Variants in PIAS1 observed in about 807,000 individuals in gnomAD.
The protein encoded by PIAS1 is E3 SUMO-protein ligase PIAS1.
PIAS1 carries 6 observed loss-of-function variants against 71.3 expected under a neutral mutation model. That is an observed-to-expected ratio of 0.08 (90% CI 0.05 to 0.17). The LOEUF (loss-of-function observed/expected upper bound fraction) is 0.17. PIAS1 is among the 10% of genes least tolerant of loss of function. The pLI is 1.00. For missense variants in PIAS1, 555 were observed against 793.6 expected, an observed-to-expected ratio of 0.70 and a Z score of 3.61; for synonymous variants, 303 against 292.9, an observed-to-expected ratio of 1.03 and a Z score of -0.35.
rs533461138 is a variant in PIAS1 at position 68,147,021 on chromosome 15, G to A, written c.828+321G>A. On this transcript the variant is annotated intron_variant, in intron 6 of 13. Transcript: ENST00000249636. The stretch of plus-strand genomic sequence containing the variant: ...TTGCCTGTTCCCTACTATTGAGCGT[G>A]TTACTTGATTTATTGATTGATTCAT... Among the ~76,000 whole-genome samples the A allele has an allele frequency of 9.0e-4, 137 of 152,204 alleles. 1 individual carries two copies. The Middle Eastern group carries it at 0.01, about 11-fold the overall frequency.
chr15:68,105,942 ATTCT>A (rs751749194), intron 2 of PIAS1, among the ~76,000 whole-genome samples: 1 of 152,208 alleles, frequency 6.6e-6, no homozygotes, highest in Non-Finnish European at 1.5e-5. Context: ...GGATAGGCAC[ATTCT>A]TTCTTTTTAG....
chr15:68,092,508 G>A (rs1234847328), intron 2 of PIAS1, among the ~76,000 whole-genome samples: 1 of 152,124 alleles, frequency 6.6e-6, no homozygotes. Context: ...CTAATTCAAT[G>A]TTCTTCTACT....
chr15:68,164,422 AG>A (rs962271280), intron 7 of PIAS1, among the ~76,000 whole-genome samples: 5 of 152,158 alleles, frequency 3.3e-5, no homozygotes, highest in African/African-American at 1.2e-4. Flanking sequence ...TAAAAGAAAA[AG>A]GGTCTACCAT....
intron 1 of PIAS1, among the ~76,000 whole-genome samples, chr15:68,060,804 C>T (rs2091950021): frequency 6.6e-6 from 1 of 152,154 alleles, no homozygotes; most frequent in South Asian, 2.1e-4. Flanking sequence ...CTGCCTCAGC[C>T]TCCCGAGTAG....
intron 2 of PIAS1, among the ~76,000 whole-genome samples, chr15:68,135,035 A>T (rs2092715992): frequency 4.9e-5 from 2 of 40,652 alleles, no homozygotes; most frequent in Non-Finnish European, 9.7e-5. Context: ...ACTTCCCAGT[A>T]GGGGCGGCCG....
intron 2 of PIAS1, among the ~76,000 whole-genome samples, chr15:68,140,248 G>A (rs1009882772): frequency 4.6e-5 from 7 of 152,148 alleles, no homozygotes; most frequent in Non-Finnish European, 8.8e-5. Flanking sequence ...ATTCTAAAAT[G>A]CATCTGAAAT....
intron 2 of PIAS1, among the ~76,000 whole-genome samples, chr15:68,089,496 C>T (rs777479457): frequency 1.3e-5 from 2 of 152,194 alleles, no homozygotes; most frequent in Non-Finnish European, 2.9e-5. Context: ...TTCATCTGTA[C>T]ATTTCTTCCC....
In PIAS1 at chr15:68,069,551, C is replaced by T. The variant is rs191254548; in HGVS notation, c.24+15201C>T. Among the ~76,000 whole-genome samples the T allele has an allele frequency of 7.0e-4, 106 of 152,112 alleles. 2 individuals carry two copies. Among genetic ancestry groups the T allele is most frequent in the Admixed American group, 3.1e-3 (48 of 15,266 alleles). ...GGCACGGTGGCTCATGCCTGTAATC[C>T]CAGCACTTTGGGAGGCTGAGGCGGG... is the stretch of plus-strand genomic sequence containing the variant. On this transcript the variant is annotated intron_variant, in intron 1 of 13. Transcript: ENST00000249636.
rs2141114043 is a variant in PIAS1 at position 68,189,493 on chromosome 15, A to G, written c.*1658A>G. The G allele has an allele frequency of 6.6e-6, 1 of 152,352 alleles. No homozygotes were observed. Among genetic ancestry groups the G allele is most frequent in the African/African-American group, 2.4e-5 (1 of 41,582 alleles). The allele number at this position is 152,352 out of a possible 1,614,324, so 9.4% of individuals were successfully genotyped here. On this transcript the variant is annotated 3_prime_UTR_variant, in exon 14 of 14. Transcript: ENST00000249636. ...TCAACTTTAATCCAGGTAGAATTCA[A>G]GATGGCTGTACTTCAGTTGTATGAT...
intron 2 of PIAS1, among the ~76,000 whole-genome samples, chr15:68,117,444 G>A (rs1250956291): frequency 6.6e-6 from 1 of 152,142 alleles, no homozygotes; most frequent in African/African-American, 2.4e-5. Flanking sequence ...ATGCTACCAT[G>A]CGTTAGAACA....
intron 7 of PIAS1, among the ~76,000 whole-genome samples, chr15:68,157,248 C>A (rs1044367279): frequency 6.6e-6 from 1 of 152,152 alleles, no homozygotes; most frequent in African/African-American, 2.4e-5. Flanking sequence ...TATTATGAGA[C>A]CTGGCTCCCT....
At chr15:68,168,412 TTTATC>T (rs1481272079) in intron 8 of PIAS1, among the ~76,000 whole-genome samples, 1 of 151,942 alleles carries the variant, frequency 6.6e-6, no homozygotes, top group African/African-American at 2.4e-5. Context: ...GGTTAAAACT[TTTATC>T]TAGAATGTTT....
intron 2 of PIAS1, among the ~76,000 whole-genome samples, chr15:68,096,158 CTA>C (rs1403638483): frequency 6.6e-6 from 1 of 152,066 alleles, no homozygotes; most frequent in Non-Finnish European, 1.5e-5. Context: ...TATTTTGAAA[CTA>C]TATGTTTGAA....
intron 2 of PIAS1, among the ~76,000 whole-genome samples, chr15:68,139,981 A>G (rs1041992053): frequency 6.6e-6 from 1 of 152,160 alleles, no homozygotes; most frequent in Non-Finnish European, 1.5e-5. Context: ...TTTATCTAAA[A>G]CCAAAACTAT....
At chr15:68,113,366 A>G (rs989666119) in intron 2 of PIAS1, among the ~76,000 whole-genome samples, 1 of 152,302 alleles carries the variant, frequency 6.6e-6, no homozygotes. Flanking sequence ...AAGTTTTGCA[A>G]AAGAAAGAAA....
rs573154287 is a variant in PIAS1, at chr15:68,131,928, C to T, written c.470-10018C>T. ...TTTAAAAAAAAAATCCTAGGCTGGG[C>T]GTGGTGGCTCATACCTGTAATCCCA... On this transcript the variant is annotated intron_variant, in intron 2 of 13. Coordinates refer to ENST00000249636, the MANE Select transcript of PIAS1 (RefSeq NM_016166.3). Among the ~76,000 whole-genome samples the T allele has an allele frequency of 1.2e-4, 18 of 150,442 alleles. 1 individual carries two copies. The highest frequency in any genetic ancestry group is 6.9e-3 in the Middle Eastern group (2 of 290).
At chr15:68,088,854 A>G (rs1275669849) in intron 2 of PIAS1, among the ~76,000 whole-genome samples, 2 of 152,184 alleles carry the variant, frequency 1.3e-5, no homozygotes, top group Non-Finnish European at 2.9e-5. Flanking sequence ...AGTTTCCTAA[A>G]TGATTATTTT....
Position 68,176,648 on chromosome 15 carries a change from A to G in PIAS1, c.1475A>G (p.Asn492Ser), listed in dbSNP as rs2093021979. The G allele has an allele frequency of 1.3e-6, 2 of 1,581,724 alleles. No individual in the cohort carries two copies. The highest frequency in any genetic ancestry group is 2.7e-5 in the African/African-American group (2 of 73,014). Residue 492 changes from asparagine to serine, a missense_variant, in exon 11 of 14, where the codon AAT becomes AGT. Physicochemically the swap from Asn to Ser is conservative, Grantham distance 46 (BLOSUM62 1). Coordinates refer to ENST00000249636, the MANE Select transcript of PIAS1 (RefSeq NM_016166.3). The part of the protein sequence containing the change: ...PSLSPTSPLN[N>S]KGILSLPHQA... The stretch of plus-strand genomic sequence containing the variant: ...CTATCTCCCACATCACCACTAAATA[A>G]TAAAGGGTAAGTGCTGAGACATTTA...
intron 11 of PIAS1, among the ~76,000 whole-genome samples, chr15:68,180,186 G>A (rs2093045235): frequency 6.6e-6 from 1 of 151,664 alleles, no homozygotes; most frequent in Non-Finnish European, 1.5e-5. Flanking sequence ...ATGCAGCCTC[G>A]ACCCCCCAGG....
Sources: allele counts gnomAD v4.1 joint callset (sites outside exome capture counted in the v4.1 genomes callset), GRCh38; gene constraint gnomAD v4.1.1; transcripts MANE v1.5; gene names NCBI Gene and HGNC (gene_info 2026-07-23, HGNC 2026-07-21).